TERB1: variants seen among roughly 807,000 people sequenced by gnomAD.
TERB1 encodes the protein telomere repeat binding bouquet formation protein 1, also known as telomere repeats-binding bouquet formation protein 1.
In TERB1, 63 loss-of-function variants were observed where a neutral mutation model predicts 92.3. The observed-to-expected ratio is 0.68, with a 90% CI of 0.56 to 0.84. The LOEUF (loss-of-function observed/expected upper bound fraction) is 0.84. Ranked by LOEUF, TERB1 falls within the 40% of genes least tolerant of loss-of-function variation. The pLI is 0.00. For synonymous variants in TERB1, 252 were observed against 283.9 expected, an observed-to-expected ratio of 0.89 and a Z score of 1.13; for missense variants, 709 against 843.7, an observed-to-expected ratio of 0.84 and a Z score of 1.98.
intron 16 of TERB1, among the ~76,000 whole-genome samples, chr16:66,761,649 G>A (rs1201528127): frequency 1.3e-5 from 2 of 151,872 alleles, no homozygotes; most frequent in Non-Finnish European, 2.9e-5. Context: ...TTAGCCGGGT[G>A]TGGTGGCACA....
chr16:66,790,397 GGAAAGGAAAC>G (rs2018811219), intron 5 of TERB1, among the ~76,000 whole-genome samples, 188 bp downstream of exon 5: 2 of 146,854 alleles, frequency 1.4e-5, no homozygotes, highest in Admixed American at 1.4e-4. Flanking sequence ...GGAACGGAAA[GGAAAGGAAAC>G]GAAAGGAAAG....
intron 3 of TERB1, among the ~76,000 whole-genome samples, chr16:66,795,422 ACT>A (rs1372212878): frequency 1.3e-5 from 2 of 152,000 alleles, no homozygotes; most frequent in Non-Finnish European, 2.9e-5. Flanking sequence ...TTGATAACAT[ACT>A]CTCTGTCTTC....
chr16:66,784,307 A>T (rs1367171804), intron 9 of TERB1, among the ~76,000 whole-genome samples: 1 of 151,730 alleles, frequency 6.6e-6, no homozygotes, highest in Admixed American at 6.6e-5. Context: ...TTTCTTAGGT[A>T]GAAGCTAATA....
At chr16:66,796,392 G>A (rs1339514107) in intron 3 of TERB1, among the ~76,000 whole-genome samples, 4 of 151,986 alleles carry the variant, frequency 2.6e-5, no homozygotes, top group Admixed American at 2.6e-4. Flanking sequence ...CTTATGTGAT[G>A]GTGTATATTA....
chr16:66,768,305 A>G (rs1421603654), intron 14 of TERB1, 137 bp from the exon 15 acceptor site: 1 of 660,724 alleles, frequency 1.5e-6, no homozygotes, highest in Non-Finnish European at 2.6e-6. Flanking sequence ...ACCACAATCT[A>G]CCAAATTCTG....
intron 2 of TERB1, among the ~76,000 whole-genome samples, chr16:66,798,346 A>AT (rs2145270700): frequency 6.6e-6 from 1 of 152,056 alleles, no homozygotes; most frequent in Admixed American, 6.6e-5. Flanking sequence ...CACTGGGCTA[A>AT]TTTTTTAATA....
intron 9 of TERB1, among the ~76,000 whole-genome samples, chr16:66,779,759 T>C (rs2018606091): frequency 6.6e-6 from 1 of 152,170 alleles, no homozygotes; most frequent in Non-Finnish European, 1.5e-5. Flanking sequence ...AACTAATTCC[T>C]CAGATTGACT....
chr16:66,785,279 G>A (rs2145200998), intron 9 of TERB1, among the ~76,000 whole-genome samples: 1 of 152,228 alleles, frequency 6.6e-6, no homozygotes, highest in East Asian at 1.9e-4. Flanking sequence ...CTGACCTCAA[G>A]TGATCCGCCT....
At chr16:66,767,269 G>C in intron 16 of TERB1, 146 bp downstream of exon 16, 1 of 517,934 alleles carries the variant, frequency 1.9e-6, no homozygotes, top group Non-Finnish European at 3.4e-6. Flanking sequence ...AACCTGGGAG[G>C]TGGAGAGTGC....
intron 5 of TERB1, among the ~76,000 whole-genome samples, chr16:66,790,087 C>T (rs2018803712): frequency 6.6e-6 from 1 of 152,142 alleles, no homozygotes; most frequent in Non-Finnish European, 1.5e-5. Flanking sequence ...TATTCATCCT[C>T]ATTTTAGACA....
rs572983035 is a variant in TERB1, at chr16:66,756,756, A to C, written c.1997-1593T>G. Among the ~76,000 whole-genome samples the C allele has an allele frequency of 2.5e-4, 38 of 152,254 alleles. 1 individual carries two copies. In the South Asian group the frequency reaches 7.3e-3, roughly 29 times the overall value. ...CTTTTATACTTAATATCTGTGCCCA[A>C]ATCTTCAAAGATTCCTACAGCAGAG... On this transcript the variant is annotated intron_variant, in intron 18 of 18. Transcript: ENST00000433154.
intron 16 of TERB1, among the ~76,000 whole-genome samples, chr16:66,761,091 C>A (rs865987244): frequency 6.7e-4 from 79 of 118,478 alleles, no homozygotes; most frequent in African/African-American, 2.5e-3. Context: ...ACCTGGGCGA[C>A]AGAGCGAGAC....
chr16:66,799,054 G>T (rs969410445), intron 2 of TERB1, among the ~76,000 whole-genome samples: 8 of 151,988 alleles, frequency 5.3e-5, no homozygotes, highest in African/African-American at 1.7e-4. Flanking sequence ...TGAACAAATG[G>T]GTTAAGATTT....
intron 13 of TERB1, among the ~76,000 whole-genome samples, chr16:66,771,672 C>T (rs2018454595): frequency 7.1e-6 from 1 of 140,544 alleles, no homozygotes; most frequent in Admixed American, 6.8e-5. Context: ...CACACACACA[C>T]ACACACACGG....
chr16:66,786,083 A>G lies in TERB1; in HGVS notation c.508T>C (p.Phe170Leu). The G allele has an allele frequency of 6.4e-7, 1 of 1,551,654 alleles. No individual in the cohort carries two copies. Among genetic ancestry groups the G allele is most frequent in the Admixed American group, 2.0e-5 (1 of 51,000 alleles). ...GAAGACCACAACTGATAACTCTGGA[A>G]AACATTTTTATCTGACAAATCCAAC... ...HELDLSDKNV[F>L]QSYQLWSSVC... Residue 170 changes from phenylalanine to leucine, a missense_variant, in exon 8 of 19, where the codon TTC becomes CTC. Phe to Leu is a conservative substitution (Grantham distance 22). Coordinates refer to ENST00000433154, the MANE Select transcript of TERB1 (RefSeq NM_001136505.2).
chr16:66,789,123 TAA>T (rs982049588), intron 5 of TERB1, among the ~76,000 whole-genome samples: 4 of 150,764 alleles, frequency 2.7e-5, no homozygotes, highest in African/African-American at 9.7e-5. Flanking sequence ...TTAAAATAAC[TAA>T]AGAGTATAAT....
intron 12 of TERB1, among the ~76,000 whole-genome samples, chr16:66,774,210 G>C (rs2018503677): frequency 9.7e-6 from 1 of 102,960 alleles, no homozygotes; most frequent in Non-Finnish European, 1.8e-5. Flanking sequence ...TTTTGAGACA[G>C]AGTCTTGCTC....
intron 16 of TERB1, among the ~76,000 whole-genome samples, chr16:66,766,175 A>G (rs1313733264): frequency 6.6e-6 from 1 of 152,030 alleles, no homozygotes; most frequent in Non-Finnish European, 1.5e-5. Flanking sequence ...CCGGCCGGGT[A>G]TTTTTTTAAG....
chr16:66,790,746 AC>A lies in TERB1; in HGVS notation c.143-24del, dbSNP rs1289785694. 103 of 1,547,032 alleles carry A rather than the reference AC, an allele frequency of 6.7e-5. No individual in the cohort carries two copies. In the Middle Eastern group the frequency reaches 6.7e-4, roughly 10 times the overall value. On this transcript the variant is annotated intron_variant, in intron 4 of 18. Transcript: ENST00000433154. ...TACCTGTAGGATGTGCAGAAAAAAA[AC>A]AAAATAGAAATGATATTTATTTTCA...
Sources: gnomAD v4.1 joint callset for allele counts (sites outside exome capture counted in the v4.1 genomes callset) on GRCh38, gnomAD v4.1.1 for gene constraint, MANE v1.5 for transcripts, NCBI Gene and HGNC (gene_info 2026-07-23, HGNC 2026-07-21) for gene names.